HEATR5B: variants seen among roughly 807,000 people sequenced by gnomAD.
HEATR5B encodes HEAT repeat containing 5B.
Under a neutral mutation model 224.1 loss-of-function variants are expected in HEATR5B, and 156 were observed. The ratio of observed to expected loss-of-function variants is 0.70; its 90% CI spans 0.61 to 0.80. HEATR5B has a LOEUF of 0.80. Among genes scored for constraint, HEATR5B ranks in the 30% least tolerant of loss-of-function variants. The pLI is 0.00. For synonymous variants in HEATR5B, 1,027 were observed against 893.0 expected (o/e 1.15, Z -2.68); for missense variants, 2,323 against 2,535.5 (o/e 0.92, Z 1.80).
intron 26 of HEATR5B, among the ~76,000 whole-genome samples, chr2:37,014,674 G>A (rs1420753796): frequency 6.7e-6 from 1 of 149,522 alleles, no homozygotes; most frequent in Non-Finnish European, 1.5e-5. Context: ...CTATAAAGGG[G>A]ACTTTAAAAA....
At chr2:37,054,900 T>C (rs1218536854) in intron 16 of HEATR5B, among the ~76,000 whole-genome samples, 2 of 152,164 alleles carry the variant, frequency 1.3e-5, no homozygotes, top group Non-Finnish European at 2.9e-5. Flanking sequence ...TGACCTCAAG[T>C]TGGTAATAAA....
intron 21 of HEATR5B, among the ~76,000 whole-genome samples, chr2:37,037,209 G>A (rs7586457): frequency 0.2 from 27,056 of 136,708 alleles, 3,346 homozygotes; most frequent in East Asian, 0.61. Flanking sequence ...GCAGTGGTGC[G>A]ATCTCGGCTC....
intron 17 of HEATR5B, among the ~76,000 whole-genome samples, chr2:37,051,780 C>A (rs1670567346): frequency 6.6e-6 from 1 of 152,028 alleles, no homozygotes; most frequent in African/African-American, 2.4e-5. Flanking sequence ...TGCTCTGTCC[C>A]CCAGGCTGGA....
intron 35 of HEATR5B, among the ~76,000 whole-genome samples, chr2:36,984,237 T>TGTATATATATATAA (rs1665799148): frequency 8.9e-6 from 1 of 112,040 alleles, no homozygotes; most frequent in Non-Finnish European, 1.9e-5. Context: ...TATATATATA[T>TGTATATATATATAA]AAAACTGGAA....
chr2:37,040,994 C>A, intron 19 of HEATR5B, 139 bp downstream of exon 19: 1 of 636,746 alleles, frequency 1.6e-6, no homozygotes, highest in Non-Finnish European at 2.7e-6. Flanking sequence ...TAAACAAAAT[C>A]TTGCTATGTA....
Position 37,005,588 on chromosome 2 carries a change from C to CAA in HEATR5B, c.4905+42_4905+43dup. On this transcript the variant is annotated intron_variant, in intron 30 of 35. Coordinates refer to ENST00000233099, the MANE Select transcript of HEATR5B (RefSeq NM_019024.3). ...CTTTTTTCCATTGTAAAGCAATACT[C>CAA]AAAAAAAAACCACACAAGTATCTAT... 6.5e-6 allele frequency: 10 copies of CAA among 1,536,704 alleles called. No individual in the cohort carries two copies. The South Asian group carries it at 7.1e-5, about 11-fold the overall frequency.
chr2:37,032,502 G>T lies in HEATR5B; in HGVS notation c.3361+127C>A, dbSNP rs536889347. 8.3e-6 allele frequency: 7 copies of T among 845,178 alleles called. No individual in the cohort carries two copies. In the South Asian group the frequency reaches 1.2e-4, roughly 14 times the overall value. The allele number at this position is 845,178 out of a possible 1,614,324, so 52.4% of individuals were successfully genotyped here. A position where few individuals can be genotyped will look rare whatever the true frequency, so the allele number is the denominator to read the frequency against. ...ACATTGGAATTTTAAAAGTGGTAAT[G>T]GTTTTATTTCAAAGAATAAGACATC... On this transcript the variant is annotated intron_variant, in intron 22 of 35. Transcript: ENST00000233099.
At chr2:37,012,185 T>A (rs1030826220) in intron 27 of HEATR5B, among the ~76,000 whole-genome samples, 6 of 152,200 alleles carry the variant, frequency 3.9e-5, no homozygotes, top group African/African-American at 1.4e-4. Flanking sequence ...CTCAGTTTTT[T>A]ACCTAATGTG....
chr2:37,002,271 T>C (rs1667135039), intron 32 of HEATR5B, 35 bp downstream of exon 32: 3 of 1,609,214 alleles, frequency 1.9e-6, no homozygotes, highest in Non-Finnish European at 1.7e-6. Flanking sequence ...TCTACTGTAA[T>C]ATAATGCATT....
rs756054665 is a variant in HEATR5B at position 36,981,668 on chromosome 2, A to G, written c.6038T>C (p.Ile2013Thr). ...HEFALQNLMHIGPLYPHAFKT... is the reference protein window; with the variant it reads ...HEFALQNLMHTGPLYPHAFKT... ...GAAAGCATGTGGATACAGAGGTCCA[A>G]TATGCATTAAATTCTGGAGTGCAAA... Residue 2013 changes from isoleucine to threonine, a missense_variant, in exon 36 of 36, where the codon ATT becomes ACT. Physicochemically the swap from Ile to Thr is moderately conservative, Grantham distance 89. Around this residue, in one of 12 missense-constraint regions of HEATR5B, gnomAD observed 844 missense variants for 812.9 expected, o/e 1.04. Coordinates refer to ENST00000233099, the MANE Select transcript of HEATR5B (RefSeq NM_019024.3). 2 of 1,614,196 alleles carry G rather than the reference A, an allele frequency of 1.2e-6. No homozygotes were observed. The highest frequency in any genetic ancestry group is 1.7e-6 in the Non-Finnish European group (2 of 1,180,030).
chr2:37,047,825 C>T (rs959265595), intron 18 of HEATR5B, among the ~76,000 whole-genome samples: 4 of 152,262 alleles, frequency 2.6e-5, no homozygotes, highest in Non-Finnish European at 5.9e-5. Flanking sequence ...TATAATGAGG[C>T]TGTGAAAGAC....
chr2:37,041,079 AT>A, intron 19 of HEATR5B, 53 bp downstream of exon 19: 1 of 1,469,942 alleles, frequency 6.8e-7, no homozygotes, highest in South Asian at 1.2e-5. Flanking sequence ...AGAGCAAATA[AT>A]TTTCCAAAAA....
intron 19 of HEATR5B, 65 bp from the exon 20 acceptor site, chr2:37,040,583 C>CCCA: frequency 8.1e-7 from 1 of 1,239,554 alleles, no homozygotes; most frequent in Non-Finnish European, 1.1e-6. Context: ...ATTGAGTATA[C>CCCA]TGAATTGTTA....
At chr2:36,996,120 G>A (rs1666687396) in intron 33 of HEATR5B, among the ~76,000 whole-genome samples, 1 of 151,250 alleles carries the variant, frequency 6.6e-6, no homozygotes, top group African/African-American at 2.4e-5. Context: ...GAGTGCAGTG[G>A]CGCGATCTCA....
chr2:36,988,621 T>C, intron 35 of HEATR5B, 25 bp downstream of exon 35: 2 of 1,552,200 alleles, frequency 1.3e-6, no homozygotes, highest in Non-Finnish European at 1.8e-6. Flanking sequence ...TCTGAACTAG[T>C]AGCTTTTTAT....
chr2:37,034,228 C>G (rs950978716), intron 21 of HEATR5B, among the ~76,000 whole-genome samples: 1 of 150,652 alleles, frequency 6.6e-6, no homozygotes, highest in African/African-American at 2.4e-5. Context: ...GGATGGTCTC[C>G]ATCTCCTGAC....
Position 37,038,015 on chromosome 2 carries a change from G to C in HEATR5B, c.3056C>G (p.Ala1019Gly). Residue 1019 changes from alanine (A) to glycine (G), a missense_variant, in exon 21 of 36, where the codon GCA (alanine) becomes GGA (glycine). Ala to Gly is a moderately conservative substitution (Grantham distance 60, BLOSUM62 0). Around this residue, in one of 12 missense-constraint regions of HEATR5B, gnomAD observed 88 missense variants for 86.8 expected, o/e 1.01. Transcript: ENST00000233099. The stretch of plus-strand genomic sequence containing the variant: ...AGAGGAACGAATTGTAGAAGTTGTT[G>C]CTCCATTCCCTGGTGCAAAATGAAA... ...TVGPELQGNG[A>G]TTSTIRSSCL... is the part of the protein sequence containing the mutation. The C allele has an allele frequency of 2.6e-6, 4 of 1,524,238 alleles. No individual in the cohort carries two copies. The highest frequency in any genetic ancestry group is 3.5e-6 in the Non-Finnish European group (4 of 1,129,910). 94.4% of individuals were successfully genotyped at this position (1,524,238 alleles called of 1,614,324 possible).
chr2:37,017,544 G>T (rs1284282544), intron 26 of HEATR5B, among the ~76,000 whole-genome samples: 1 of 151,574 alleles, frequency 6.6e-6, no homozygotes, highest in African/African-American at 2.4e-5. Context: ...AAATTAGCTG[G>T]GCATGGTGAC....
intron 33 of HEATR5B, 120 bp downstream of exon 33, chr2:37,000,466 C>T: frequency 1.4e-6 from 1 of 730,590 alleles, no homozygotes; most frequent in Admixed American, 2.3e-5. Flanking sequence ...ATATGACTAA[C>T]ATACCTCTCT....
Sources: gnomAD v4.1 joint callset for allele counts (sites outside exome capture counted in the v4.1 genomes callset) on GRCh38, gnomAD v4.1.1 for gene constraint, gnomAD v4.1.1 regional missense constraint, MANE v1.5 for transcripts, NCBI Gene and HGNC (gene_info 2026-07-23, HGNC 2026-07-21) for gene names.